Variants in SDK1 observed in about 807,000 individuals in gnomAD.
The protein encoded by SDK1 is protein sidekick-1.
A neutral mutation model predicts 245.5 loss-of-function variants in SDK1; 157 were observed. The observed-to-expected ratio is 0.64, with a 90% CI of 0.56 to 0.73. The LOEUF is 0.73. Among genes scored for constraint, SDK1 ranks in the 30% least tolerant of loss-of-function variants. The pLI is 0.00. For synonymous variants in SDK1, 1,647 were observed against 1,278.5 expected (o/e 1.29, Z -6.15); for missense variants, 3,583 against 3,002.3 (o/e 1.19, Z -4.52).
intron 1 of SDK1, among the ~76,000 whole-genome samples, chr7:3,432,603 C>T (rs769641354): frequency 3.3e-5 from 5 of 152,062 alleles, no homozygotes; most frequent in Non-Finnish European, 5.9e-5. Flanking sequence ...TGCTAGGTTT[C>T]GCATAGAAAA....
At chr7:3,411,677 A>G (rs1211552835) in intron 1 of SDK1, among the ~76,000 whole-genome samples, 2 of 152,298 alleles carry the variant, frequency 1.3e-5, no homozygotes, top group East Asian at 3.9e-4. Flanking sequence ...GCTCCCTATT[A>G]ATGCAGCAAT....
At chr7:3,580,243 A>G (rs1284293605) in intron 1 of SDK1, among the ~76,000 whole-genome samples, 1 of 152,246 alleles carries the variant, frequency 6.6e-6, no homozygotes, top group East Asian at 1.9e-4. Flanking sequence ...ATTCAATGCT[A>G]TTCCTATCAA....
intron 4 of SDK1, among the ~76,000 whole-genome samples, chr7:3,688,442 T>C (rs1784352684): frequency 6.6e-6 from 1 of 152,256 alleles, no homozygotes; most frequent in Admixed American, 6.5e-5. Flanking sequence ...ACTGTATCTA[T>C]ACTGAAGGAG....
intron 5 of SDK1, among the ~76,000 whole-genome samples, chr7:3,853,397 T>G (rs1464845165): frequency 6.6e-6 from 1 of 152,090 alleles, no homozygotes; most frequent in Non-Finnish European, 1.5e-5. Context: ...GCCTGTGTTT[T>G]AAAATTATTG....
rs1325734230 is a variant in SDK1 at position 3,319,392 on chromosome 7, G to A, written c.298+17508G>A. 2.6e-5 allele frequency among the ~76,000 whole-genome samples: 4 copies of A among 152,038 alleles called. 1 individual carries two copies. The highest frequency in any genetic ancestry group is 1.3e-4 in the Admixed American group (2 of 15,262). On this transcript the variant is annotated intron_variant, in intron 1 of 44. Coordinates refer to ENST00000404826, the MANE Select transcript of SDK1 (RefSeq NM_152744.4). Reference sequence around the variant, plus strand: ...TTGAGTGCCTGTAAGAGCATCTGGGGGCTTAGACCGGTGGCCCTCAAGGTA... The same window carrying A: ...TTGAGTGCCTGTAAGAGCATCTGGGAGCTTAGACCGGTGGCCCTCAAGGTA...
At chr7:4,069,813 C>G (rs1360685072) in intron 20 of SDK1, among the ~76,000 whole-genome samples, 5 of 152,232 alleles carry the variant, frequency 3.3e-5, no homozygotes, top group African/African-American at 1.2e-4. Context: ...GTTTTGCTTT[C>G]TCAGCAACCA....
intron 17 of SDK1, among the ~76,000 whole-genome samples, chr7:4,027,080 G>C (rs940082693): frequency 2.0e-5 from 3 of 152,174 alleles, no homozygotes; most frequent in Non-Finnish European, 4.4e-5. Flanking sequence ...CTTGCATCGT[G>C]GGGTAGAAGC....
intron 20 of SDK1, among the ~76,000 whole-genome samples, chr7:4,075,978 C>A (rs1372321847): frequency 6.6e-6 from 1 of 152,062 alleles, no homozygotes; most frequent in African/African-American, 2.4e-5. Context: ...AGCCCCAAGT[C>A]ACAGTGGAAT....
At chr7:3,513,632 A>G in intron 1 of SDK1, among the ~76,000 whole-genome samples, 1 of 152,324 alleles carries the variant, frequency 6.6e-6, no homozygotes, top group South Asian at 2.1e-4. Context: ...ATAGTTTTAA[A>G]ATAATTTCAA....
intron 1 of SDK1, among the ~76,000 whole-genome samples, chr7:3,544,029 A>T (rs1268254802): frequency 6.6e-6 from 1 of 152,104 alleles, no homozygotes; most frequent in Non-Finnish European, 1.5e-5. Context: ...AACCATAACC[A>T]TTGTGTAGTT....
At chr7:3,703,957 T>C (rs1366849626) in intron 4 of SDK1, among the ~76,000 whole-genome samples, 1 of 152,236 alleles carries the variant, frequency 6.6e-6, no homozygotes, top group Non-Finnish European at 1.5e-5. Flanking sequence ...TTTGGTTACA[T>C]GGATGAATTG....
intron 4 of SDK1, among the ~76,000 whole-genome samples, chr7:3,727,281 G>C (rs540075582): frequency 1.6e-4 from 25 of 152,304 alleles, no homozygotes; most frequent in Admixed American, 1.6e-3. Flanking sequence ...TCAGAGTTCT[G>C]TTTGTTTGTG....
intron 4 of SDK1, among the ~76,000 whole-genome samples, chr7:3,652,724 T>G (rs1783049073): frequency 1.3e-5 from 2 of 152,122 alleles, no homozygotes; most frequent in Non-Finnish European, 2.9e-5. Flanking sequence ...GATGGATATC[T>G]TCAGTAAAGT....
At chr7:3,403,329 T>C (rs1778941310) in intron 1 of SDK1, among the ~76,000 whole-genome samples, 1 of 152,168 alleles carries the variant, frequency 6.6e-6, no homozygotes, top group South Asian at 2.1e-4. Context: ...CCCATTTACA[T>C]CATTAAAGTG....
chr7:4,214,663 T>C (rs1223357124), intron 38 of SDK1, among the ~76,000 whole-genome samples: 1 of 152,196 alleles, frequency 6.6e-6, no homozygotes, highest in Non-Finnish European at 1.5e-5. Context: ...ACGTTTGGGC[T>C]TGCTGGGGGC....
In SDK1 at chr7:3,352,178, T is replaced by C. The variant is rs1187628165; in HGVS notation, c.298+50294T>C. 3.3e-5 allele frequency among the ~76,000 whole-genome samples: 5 copies of C among 150,166 alleles called. No homozygotes were observed. The East Asian group carries it at 9.7e-4, about 29-fold the overall frequency. On this transcript the variant is annotated intron_variant, in intron 1 of 44. Transcript: ENST00000404826. Reference sequence around the variant, plus strand: ...TATAAAAGTTTCATTTAAAAAGTTTTACAAAATGGAAAAATCTGTCACTTA... The same window carrying C: ...TATAAAAGTTTCATTTAAAAAGTTTCACAAAATGGAAAAATCTGTCACTTA...
intron 4 of SDK1, among the ~76,000 whole-genome samples, chr7:3,653,885 A>T (rs979286442): frequency 5.3e-5 from 8 of 152,188 alleles, no homozygotes; most frequent in Admixed American, 1.3e-4. Context: ...AGAGAGGATG[A>T]TCTCTTCCTC....
intron 35 of SDK1, 54 bp from the exon 36 acceptor site, chr7:4,205,825 C>A (rs766514092): frequency 1.4e-6 from 2 of 1,422,198 alleles, no homozygotes; most frequent in East Asian, 2.5e-5. Flanking sequence ...GGCGAGGGTC[C>A]GGGCCGGCTC....
intron 4 of SDK1, among the ~76,000 whole-genome samples, chr7:3,779,118 G>A (rs925202581): frequency 2.6e-5 from 4 of 152,070 alleles, no homozygotes; most frequent in Non-Finnish European, 5.9e-5. Flanking sequence ...TTTCTTTTCT[G>A]ATTATATTAT....
Sources: allele counts gnomAD v4.1 joint callset (sites outside exome capture counted in the v4.1 genomes callset), GRCh38; gene constraint gnomAD v4.1.1; transcripts MANE v1.5; gene names NCBI Gene and HGNC (gene_info 2026-07-23, HGNC 2026-07-21).